HHIPL1: variants seen among roughly 807,000 people sequenced by gnomAD.
HHIPL1 encodes HHIP-like protein 1.
Under a neutral mutation model 61.8 loss-of-function variants are expected in HHIPL1, and 43 were observed. The ratio of observed to expected loss-of-function variants is 0.70; its 90% confidence interval spans 0.55 to 0.90. HHIPL1 has a LOEUF of 0.90. Among genes scored for constraint, HHIPL1 ranks in the 40% least tolerant of loss-of-function variants. The probability of loss-of-function intolerance (pLI) is 0.00; values close to 1 mark genes in which losing one functional copy is unlikely to be tolerated. For missense variants in HHIPL1, 1,056 were observed against 1,157.7 expected, an observed-to-expected ratio of 0.91 and a Z score of 1.28; for synonymous variants, 482 against 515.8, an observed-to-expected ratio of 0.93 and a Z score of 0.89.
At chr14:99,612,964 G>A in the HHIPL1 span, among the ~76,000 whole-genome samples, 1 of 152,194 alleles carries the variant, frequency 6.6e-6, no homozygotes, top group Non-Finnish European at 1.5e-5. Flanking sequence ...ATCTCCTCCA[G>A]TGCCTGAATA....
At position 99,675,185 on chromosome 14, in the gene HHIPL1, G is replaced by A; in HGVS notation, c.1908G>A (p.Ala636=). ...GGCGCCCCACGGCCGCTCCCCCCGCGCCAACCCCGCGGCCAGCGCGGCCCA... is the reference window on the plus strand; with the variant it reads ...GGCGCCCCACGGCCGCTCCCCCCGCACCAACCCCGCGGCCAGCGCGGCCCA... The part of the protein sequence containing the change: ...RRGRPTAAPP[A]PTPRPARPTQ... The change falls in exon 9 of 9, where the codon GCG becomes GCA. Residue 636 remains alanine, a synonymous_variant. Transcript: ENST00000330710. This position sits in a 1 kb window ranked among gnomAD's most constrained non-coding sequence, Gnocchi z 5.4. 5 of 1,132,992 alleles carry A rather than the reference G, an allele frequency of 4.4e-6. No individual in the cohort carries two copies. The highest frequency in any genetic ancestry group is 5.4e-6 in the Non-Finnish European group (5 of 917,792). 70.2% of individuals were successfully genotyped at this position (1,132,992 alleles called of 1,614,324 possible). A position where few individuals can be genotyped will look rare whatever the true frequency, so the allele number is the denominator to read the frequency against.
At position 99,659,569 on chromosome 14, in the gene HHIPL1, G is replaced by A; in HGVS notation, c.1188G>A (p.Met396Ile). 2.6e-6 allele frequency: 4 copies of A among 1,552,194 alleles called. No individual in the cohort carries two copies. The highest frequency in any genetic ancestry group is 3.5e-6 in the Non-Finnish European group (4 of 1,152,244). The change falls in exon 4 of 9, where the codon ATG becomes ATA. Residue 396 changes from methionine (M) to isoleucine (I), a missense_variant. Physicochemically the swap from Met to Ile is conservative, Grantham distance 10. Coordinates refer to ENST00000330710, the MANE Select transcript of HHIPL1 (RefSeq NM_001127258.3). ...PEVYALGVRN[M>I]WRCSFDRGDP... ...TCTACGCCCTGGGCGTGCGCAACAT[G>A]TGGCGCTGCTCCTTCGACCGTGGCG...
At chr14:99,637,104 A>G in the HHIPL1 span, among the ~76,000 whole-genome samples, 8 of 96,628 alleles carry the variant, frequency 8.3e-5, no homozygotes, top group Non-Finnish European at 1.7e-4. Context: ...AGGAAGGAAA[A>G]AAGAAAGAAA....
chr14:99,652,253 T>C lies in HHIPL1; in HGVS notation c.285T>C (p.Tyr95=). Residue 95 remains tyrosine, a synonymous_variant, in exon 2 of 9, where the codon TAT becomes TAC. Transcript: ENST00000330710. The part of the protein sequence containing the change: ...QECSPYAAHL[Y]DAEDPFTPLR... ...GCTCGCCGTATGCAGCCCACCTCTA[T>C]GACGCCGAGGACCCATTCACGCCCC... 1.2e-6 allele frequency: 2 copies of C among 1,610,206 alleles called. No individual in the cohort carries two copies. The highest frequency in any genetic ancestry group is 1.7e-6 in the Non-Finnish European group (2 of 1,177,698).
At chr14:99,629,378 C>G in the HHIPL1 span, among the ~76,000 whole-genome samples, 1 of 152,186 alleles carries the variant, frequency 6.6e-6, no homozygotes, top group Non-Finnish European at 1.5e-5. Context: ...GGCATGGGCT[C>G]TCTCTGGAAG....
chr14:99,653,225 T>A (rs2055968847), intron 2 of HHIPL1, among the ~76,000 whole-genome samples: 1 of 152,178 alleles, frequency 6.6e-6, no homozygotes, highest in Admixed American at 6.5e-5. Context: ...GGTGAAGTGT[T>A]GGGTCACACG....
intron 6 of HHIPL1, 62 bp downstream of exon 6, chr14:99,663,083 G>A (rs766501326): frequency 1.0e-5 from 15 of 1,479,682 alleles, no homozygotes; most frequent in African/African-American, 1.4e-5. Context: ...CCTCCACCCT[G>A]TGGTCCTTCT....
the HHIPL1 span, among the ~76,000 whole-genome samples, chr14:99,621,648 G>A: frequency 6.6e-6 from 1 of 151,518 alleles, no homozygotes; most frequent in Non-Finnish European, 1.5e-5. Context: ...CCTGTGGGCA[G>A]GCCCAGCAAA....
Position 99,675,698 on chromosome 14 carries a change from CCCAGCGGGT to C in HHIPL1, c.*73_*81del. Reference sequence around the variant, plus strand: ...CAGGGGCCGCTCCGCCCTGTGTGCGCCCAGCGGGTGCACACGTGTTCTAGAGTGAAGGGG... The same window carrying C: ...CAGGGGCCGCTCCGCCCTGTGTGCGCGCACACGTGTTCTAGAGTGAAGGGG... On this transcript the variant is annotated 3_prime_UTR_variant, in exon 9 of 9. Transcript: ENST00000330710. The surrounding 1 kb of genome is among the most constrained non-coding windows in gnomAD (Gnocchi z 5.4). 7.2e-7 allele frequency: 1 copy of C among 1,394,182 alleles called. No individual in the cohort carries two copies. The highest frequency in any genetic ancestry group is 9.4e-7 in the Non-Finnish European group (1 of 1,058,732). 86.4% of individuals were successfully genotyped at this position (1,394,182 alleles called of 1,614,324 possible).
At chr14:99,673,335 T>A (rs1227393374) in intron 8 of HHIPL1, among the ~76,000 whole-genome samples, 1 of 151,546 alleles carries the variant, frequency 6.6e-6, no homozygotes, top group Non-Finnish European at 1.5e-5. Context: ...GGCACTTTTG[T>A]TAGTTACTGG....
In HHIPL1 at chr14:99,660,140, TGTGGGC is replaced by T; in HGVS notation, c.1376-139_1376-134del. On this transcript the variant is annotated intron_variant, in intron 4 of 8. Coordinates refer to ENST00000330710, the MANE Select transcript of HHIPL1 (RefSeq NM_001127258.3). The surrounding 1 kb of genome is among the most constrained non-coding windows in gnomAD (Gnocchi z 4.9). ...ACGCTTTCCACCACGCCAGCCCTGCTGTGGGCACGCCAGCCCTGCTGTGGGCACGCC... is the reference window on the plus strand; with the variant it reads ...ACGCTTTCCACCACGCCAGCCCTGCTACGCCAGCCCTGCTGTGGGCACGCC... 3 of 752,588 alleles carry T rather than the reference TGTGGGC, an allele frequency of 4.0e-6. No homozygotes were observed. Among genetic ancestry groups the T allele is most frequent in the South Asian group, 2.4e-5 (1 of 41,046 alleles). 46.6% of individuals were successfully genotyped at this position (752,588 alleles called of 1,614,324 possible).
chr14:99,632,949 G>A, the HHIPL1 span, among the ~76,000 whole-genome samples: 1 of 146,016 alleles, frequency 6.8e-6, no homozygotes, highest in East Asian at 2.2e-4. Flanking sequence ...GTGAGGAGGG[G>A]ATAGAGGGAG....
Position 99,645,412 on chromosome 14 carries a change from G to A in HHIPL1, c.205G>A (p.Ala69Thr). Residue 69 changes from alanine to threonine, a missense_variant, in exon 1 of 9, where the codon GCC becomes ACC. Coordinates refer to ENST00000330710, the MANE Select transcript of HHIPL1 (RefSeq NM_001127258.3). ...RFWALASRVD[A>T]AEWAACAGYA... The stretch of plus-strand genomic sequence containing the variant: ...CTGGGCCCTGGCGAGCCGCGTGGAC[G>A]CCGCCGAGTGGGCCGCGTGCGCCGG... 1 of 1,394,890 alleles carries A rather than the reference G, an allele frequency of 7.2e-7. No homozygotes were observed. Among genetic ancestry groups the A allele is most frequent in the African/African-American group, 1.5e-5 (1 of 66,432 alleles). The allele number at this position is 1,394,890 out of a possible 1,614,324, so 86.4% of individuals were successfully genotyped here.
the HHIPL1 span, among the ~76,000 whole-genome samples, chr14:99,610,671 G>A: frequency 6.6e-6 from 1 of 152,138 alleles, no homozygotes; most frequent in Non-Finnish European, 1.5e-5. Context: ...TGAGGCAGGA[G>A]AATCGCTTGA....
At position 99,672,299 on chromosome 14, in the gene HHIPL1, C is replaced by T; in HGVS notation, c.1731-18C>T. On this transcript the variant is annotated intron_variant, in intron 7 of 8. Transcript: ENST00000330710. ...GCTCCCAGGGTGAGACTCATAACCT[C>T]CTGTGTGTCGTTGGCAGGCGGGCAC... 1 of 1,550,318 alleles carries T rather than the reference C, an allele frequency of 6.5e-7. No individual in the cohort carries two copies. The highest frequency in any genetic ancestry group is 2.4e-5 in the East Asian group (1 of 40,906).
chr14:99,644,310 C>G (rs2055792240), upstream of HHIPL1, among the ~76,000 whole-genome samples: 1 of 152,146 alleles, frequency 6.6e-6, no homozygotes, highest in Non-Finnish European at 1.5e-5. Flanking sequence ...GAAGCAAACG[C>G]TGAGGTCCAC....
chr14:99,667,587 G>T (rs770268204), intron 6 of HHIPL1, among the ~76,000 whole-genome samples: 19 of 152,064 alleles, frequency 1.2e-4, no homozygotes, highest in Non-Finnish European at 2.4e-4. Flanking sequence ...GAGGGGCTAG[G>T]ACCTACACTC....
intron 8 of HHIPL1, among the ~76,000 whole-genome samples, chr14:99,674,475 A>G (rs192657009): frequency 6.6e-6 from 1 of 152,174 alleles, no homozygotes; most frequent in East Asian, 1.9e-4. Flanking sequence ...GAGTTCCCCC[A>G]TCGTACCCGC....
chr14:99,617,960 G>A, the HHIPL1 span, among the ~76,000 whole-genome samples: 1 of 152,216 alleles, frequency 6.6e-6, no homozygotes, highest in Non-Finnish European at 1.5e-5. Flanking sequence ...TTCTCCCATG[G>A]CAGATGTGCC....
Sources: allele counts gnomAD v4.1 joint callset (sites outside exome capture counted in the v4.1 genomes callset), GRCh38; gene constraint gnomAD v4.1.1; non-coding constraint Gnocchi (gnomAD v3.1); transcripts MANE v1.5; gene names NCBI Gene and HGNC (gene_info 2026-07-23, HGNC 2026-07-21).